RORA: variants seen among roughly 807,000 people sequenced by gnomAD.
RORA encodes the protein RAR related orphan receptor A.
RORA carries 7 observed loss-of-function variants against 69.5 expected under a neutral mutation model. The ratio of observed to expected loss-of-function variants is 0.10; its 90% CI spans 0.06 to 0.19. RORA has a LOEUF of 0.19. Ranked by LOEUF, RORA falls within the 10% of genes least tolerant of loss-of-function variation. The pLI, the probability that RORA is intolerant of heterozygous loss-of-function variation, is 1.00. For missense variants in RORA, 457 were observed against 663.0 expected (o/e 0.69, Z 3.41); for synonymous variants, 261 against 240.8 (o/e 1.08, Z -0.78).
chr15:60,971,528 C>A (rs1681051217), intron 1 of RORA, among the ~76,000 whole-genome samples: 1 of 152,182 alleles, frequency 6.6e-6, no homozygotes, highest in African/African-American at 2.4e-5. Flanking sequence ...AATTCCCACT[C>A]TGTATGGTTT....
chr15:61,071,832 A>G (rs1044248442), intron 1 of RORA, among the ~76,000 whole-genome samples: 10 of 152,104 alleles, frequency 6.6e-5, no homozygotes, highest in Admixed American at 5.2e-4. Context: ...CTGTTCTCCA[A>G]ATAGTAATAA....
chr15:60,873,023 C>G (rs1595781748), intron 1 of RORA, among the ~76,000 whole-genome samples: 1 of 152,072 alleles, frequency 6.6e-6, no homozygotes, highest in South Asian at 2.1e-4. Context: ...TCTCCTTCTT[C>G]TTAGTTTTCG....
intron 1 of RORA, among the ~76,000 whole-genome samples, chr15:60,829,288 C>T (rs2073007673): frequency 6.6e-6 from 1 of 152,178 alleles, no homozygotes; most frequent in South Asian, 2.1e-4. Context: ...CTGCCCGGAG[C>T]ACCGGCCTGT....
chr15:61,180,828 G>A (rs1403790371), intron 1 of RORA, among the ~76,000 whole-genome samples: 2 of 152,196 alleles, frequency 1.3e-5, no homozygotes, highest in African/African-American at 4.8e-5. Flanking sequence ...GCCAGGCGTG[G>A]TGGCTCACAC....
In RORA at chr15:60,517,652, G is replaced by C. The variant is rs74353950; in HGVS notation, c.283-2895C>G. ...TGTCTAGGTATTCATTTTCCCCTGAGACACATAATCTCTGTCCAAGCTGAA... is the reference window on the plus strand; with the variant it reads ...TGTCTAGGTATTCATTTTCCCCTGACACACATAATCTCTGTCCAAGCTGAA... On this transcript the variant is annotated intron_variant, in intron 3 of 10. Transcript: ENST00000335670. 2.7e-3 allele frequency among the ~76,000 whole-genome samples: 414 copies of C among 152,242 alleles called. 1 individual carries two copies. Among genetic ancestry groups the C allele is most frequent in the Non-Finnish European group, 4.6e-3 (310 of 68,026 alleles).
intron 1 of RORA, among the ~76,000 whole-genome samples, chr15:61,098,942 G>A (rs370502128): frequency 1.4e-4 from 22 of 152,192 alleles, no homozygotes; most frequent in African/African-American, 4.8e-4. Flanking sequence ...CAAAGGTTCC[G>A]GGCTGTAATT....
intron 1 of RORA, among the ~76,000 whole-genome samples, chr15:60,733,945 AG>A (rs1203277543): frequency 2.6e-5 from 4 of 151,320 alleles, no homozygotes; most frequent in Admixed American, 6.6e-5. Flanking sequence ...AGAGAGAGAG[AG>A]AGAGAGAGAA....
At chr15:61,067,352 C>T (rs1432722280) in intron 1 of RORA, among the ~76,000 whole-genome samples, 2 of 152,068 alleles carry the variant, frequency 1.3e-5, no homozygotes, top group East Asian at 3.9e-4. Flanking sequence ...GATCCGCCCG[C>T]CTCGGCCTCC....
chr15:60,614,952 G>A, intron 2 of RORA: 2 of 1,614,010 alleles, frequency 1.2e-6, no homozygotes, highest in Non-Finnish European at 1.7e-6. Context: ...TAAAGTTCTT[G>A]GCTGTGGCTC....
At chr15:61,112,412 A>G (rs1167021606) in intron 1 of RORA, among the ~76,000 whole-genome samples, 1 of 152,048 alleles carries the variant, frequency 6.6e-6, no homozygotes, top group African/African-American at 2.4e-5. Context: ...CAGCCTGGGA[A>G]AGGGAAGCGG....
At chr15:60,643,673 C>T (rs1361007576) in intron 2 of RORA, among the ~76,000 whole-genome samples, 4 of 152,168 alleles carry the variant, frequency 2.6e-5, no homozygotes, top group African/African-American at 9.7e-5. Flanking sequence ...CCTAGCCTGA[C>T]CCCTCTTTTC....
chr15:60,868,156 T>C (rs1467398321), intron 1 of RORA, among the ~76,000 whole-genome samples: 1 of 152,228 alleles, frequency 6.6e-6, no homozygotes, highest in Non-Finnish European at 1.5e-5. Context: ...TAACTACTGC[T>C]TGATTTATAG....
chr15:60,577,901 A>G (rs1567100462), intron 2 of RORA, among the ~76,000 whole-genome samples: 1 of 152,236 alleles, frequency 6.6e-6, no homozygotes, highest in Non-Finnish European at 1.5e-5. Context: ...GAAGACAAGT[A>G]GATTCTCATA....
At chr15:61,039,117 A>G (rs1323972479) in intron 1 of RORA, 1 of 152,234 alleles carries the variant, frequency 6.6e-6, no homozygotes, top group Non-Finnish European at 1.5e-5. Context: ...GCCAAGTACA[A>G]CTTCTGGTTT....
chr15:61,175,541 T>TAAATAA lies in RORA; in HGVS notation c.166+53511_166+53512insTTATTT, dbSNP rs61188463. 1.5e-4 allele frequency among the ~76,000 whole-genome samples: 18 copies of TAAATAA among 120,214 alleles called. 1 individual carries two copies. Among genetic ancestry groups the TAAATAA allele is most frequent in the South Asian group, 2.6e-4 (1 of 3,786 alleles). 78.9% of individuals were successfully genotyped at this position (120,214 alleles called of 152,430 possible). A position where few individuals can be genotyped will look rare whatever the true frequency, so the allele number is the denominator to read the frequency against. On this transcript the variant is annotated intron_variant, in intron 1 of 10. Coordinates refer to ENST00000335670, the MANE Select transcript of RORA (RefSeq NM_134261.3). ...GAGCAACATAGTGAGATCCTGTTTCTAAAAAAAAAAAAAAAAAACTTGCCA... is the reference window on the plus strand; with the variant it reads ...GAGCAACATAGTGAGATCCTGTTTCTAAATAAAAAAAAAAAAAAAAAAAACTTGCCA...
chr15:60,671,635 A>G (rs1301182673), intron 2 of RORA, among the ~76,000 whole-genome samples: 1 of 151,704 alleles, frequency 6.6e-6, no homozygotes, highest in Non-Finnish European at 1.5e-5. Context: ...TTTTTGAGAC[A>G]GACTCTCACT....
chr15:61,022,631 T>C (rs1484452532), intron 1 of RORA, among the ~76,000 whole-genome samples: 1 of 152,234 alleles, frequency 6.6e-6, no homozygotes, highest in South Asian at 2.1e-4. Flanking sequence ...CTCCTTTCTG[T>C]ACTTTTGTGC....
chr15:60,657,342 C>A (rs2070236449), intron 2 of RORA, among the ~76,000 whole-genome samples: 1 of 152,156 alleles, frequency 6.6e-6, no homozygotes, highest in South Asian at 2.1e-4. Flanking sequence ...CCCTGCCCCA[C>A]CCCCTGGGGA....
At position 60,489,848 on chromosome 15, in the gene RORA, A is replaced by C. The variant is rs897847044; in HGVS notation, c.*7607T>G. ...GTGCCAGTAATACAATTCCTTAATA[A>C]GAAAAAAAAGTATATTACTCCATTA... On this transcript the variant is annotated 3_prime_UTR_variant, in exon 11 of 11. Coordinates refer to ENST00000335670, the MANE Select transcript of RORA (RefSeq NM_134261.3). 7.2e-5 allele frequency: 11 copies of C among 152,182 alleles called. No homozygotes were observed. Among genetic ancestry groups the C allele is most frequent in the African/African-American group, 2.7e-4 (11 of 41,428 alleles). The allele number at this position is 152,182 out of a possible 1,614,324, so 9.4% of individuals were successfully genotyped here.
Sources: gnomAD v4.1 joint callset for allele counts (sites outside exome capture counted in the v4.1 genomes callset) on GRCh38, gnomAD v4.1.1 for gene constraint, MANE v1.5 for transcripts, NCBI Gene and HGNC (gene_info 2026-07-23, HGNC 2026-07-21) for gene names.